VPS13C: variants seen among roughly 807,000 people sequenced by gnomAD.
The protein encoded by VPS13C is vacuolar protein sorting 13 homolog C.
Under a neutral mutation model 456.8 loss-of-function variants are expected in VPS13C, and 358 were observed. That is an observed-to-expected ratio of 0.78 (90% confidence interval 0.72 to 0.86). The LOEUF is 0.86. Among genes scored for constraint, VPS13C ranks in the 40% least tolerant of loss-of-function variants. The pLI, the probability that VPS13C is intolerant of heterozygous loss-of-function variation, is 0.00. For synonymous variants in VPS13C, 1,578 were observed against 1,486.7 expected, an observed-to-expected ratio of 1.06 and a Z score of -1.41; for missense variants, 4,818 against 4,385.4, an observed-to-expected ratio of 1.10 and a Z score of -2.79.
At chr15:61,942,345 CATG>C (rs1241130172) in intron 45 of VPS13C, among the ~76,000 whole-genome samples, 2 of 151,314 alleles carry the variant, frequency 1.3e-5, no homozygotes, top group Non-Finnish European at 2.9e-5. Flanking sequence ...ATTTTATTCT[CATG>C]ATAAATTTTT....
chr15:62,000,091 G>A (rs2046553473), intron 16 of VPS13C, among the ~76,000 whole-genome samples: 1 of 152,178 alleles, frequency 6.6e-6, no homozygotes, highest in Admixed American at 6.5e-5. Context: ...GCCAGGCGCA[G>A]TGGCTCACGC....
intron 12 of VPS13C, among the ~76,000 whole-genome samples, chr15:62,011,491 G>A (rs2047035036): frequency 6.6e-6 from 1 of 151,878 alleles, no homozygotes; most frequent in Admixed American, 6.6e-5. Context: ...AAACAACAGT[G>A]AACCAGAGTA....
At chr15:62,040,777 T>G (rs1207627697) in intron 3 of VPS13C, among the ~76,000 whole-genome samples, 4 of 152,140 alleles carry the variant, frequency 2.6e-5, no homozygotes, top group Non-Finnish European at 5.9e-5. Flanking sequence ...TGGGAAGACT[T>G]TGTAGATTAA....
At chr15:61,951,248 T>G (rs553591096) in intron 39 of VPS13C, among the ~76,000 whole-genome samples, 1 of 152,176 alleles carries the variant, frequency 6.6e-6, no homozygotes, top group Non-Finnish European at 1.5e-5. Flanking sequence ...CAATTACAAC[T>G]GGTATAACCT....
In VPS13C at chr15:61,961,814, C is replaced by T. The variant is rs369707037; in HGVS notation, c.3683G>A (p.Ser1228Asn). The T allele has an allele frequency of 1.9e-6, 3 of 1,614,044 alleles. No individual in the cohort carries two copies. The highest frequency in any genetic ancestry group is 2.5e-6 in the Non-Finnish European group (3 of 1,179,956). Residue 1228 changes from serine (S) to asparagine (N), a missense_variant, in exon 35 of 85, where the codon AGT (serine) becomes AAT (asparagine). Physicochemically the swap from Ser to Asn is conservative, Grantham distance 46. This residue lies in a region of VPS13C where 4,552 missense variants were observed against 4,130.6 expected (regional missense o/e 1.10). Coordinates refer to ENST00000644861, the MANE Select transcript of VPS13C (RefSeq NM_020821.3). ...TAQAAERAATSVKDLAQRSFR... is the reference protein window; with the variant it reads ...TAQAAERAATNVKDLAQRSFR... ...ACTCCTCTGGGCAAGATCTTTCACACTTGTGGCAGCCCTTTCTGCAGCCTG... is the reference window on the plus strand; with the variant it reads ...ACTCCTCTGGGCAAGATCTTTCACATTTGTGGCAGCCCTTTCTGCAGCCTG...
chr15:61,889,684 T>C (rs1370738361), intron 67 of VPS13C, among the ~76,000 whole-genome samples: 2 of 152,202 alleles, frequency 1.3e-5, no homozygotes, highest in Non-Finnish European at 2.9e-5. Context: ...TATGTACTCA[T>C]ATCAAATACA....
At chr15:62,027,137 G>C (rs1264199980) in intron 6 of VPS13C, among the ~76,000 whole-genome samples, 1 of 151,998 alleles carries the variant, frequency 6.6e-6, no homozygotes, top group Non-Finnish European at 1.5e-5. Context: ...TGAAACACAC[G>C]TTAAGTCCTA....
At position 61,854,843 on chromosome 15, in the gene VPS13C, A is replaced by T. The variant is rs761751418; in HGVS notation, c.11160+28T>A. ...TAAAAAAGTATTTCAGCTAAAAAAA[A>T]TTGAGGCATGCTCTTTAAATTGTTT... On this transcript the variant is annotated intron_variant, in intron 84 of 84. Transcript: ENST00000644861. 246 of 1,576,670 alleles carry T rather than the reference A, an allele frequency of 1.6e-4. 1 individual carries two copies. Among genetic ancestry groups the T allele is most frequent in the Non-Finnish European group, 6.9e-5 (80 of 1,166,762 alleles).
In VPS13C at chr15:61,869,508, G is replaced by A; in HGVS notation, c.10740C>T (p.Gly3580=). ...AGTATGTACTCAATTACCTCTGAATGCCTTGGAAGGTACTACTGGCCATAT... is the reference window on the plus strand; with the variant it reads ...AGTATGTACTCAATTACCTCTGAATACCTTGGAAGGTACTACTGGCCATAT... ...IVDMASSTFQ[G]IQRAAESTEE... The change falls in exon 80 of 85, where the codon GGC becomes GGT. Residue 3580 remains glycine, a synonymous_variant. Transcript: ENST00000644861. 1 of 1,614,052 alleles carries A rather than the reference G, an allele frequency of 6.2e-7. No individual in the cohort carries two copies. The highest frequency in any genetic ancestry group is 1.1e-5 in the South Asian group (1 of 91,082).
Position 61,922,482 on chromosome 15 carries a change from G to C in VPS13C, c.6890C>G (p.Pro2297Arg). 6.2e-7 allele frequency: 1 copy of C among 1,613,954 alleles called. No individual in the cohort carries two copies. The highest frequency in any genetic ancestry group is 8.5e-7 in the Non-Finnish European group (1 of 1,179,936). ...AAACTTAGACTCTGCCAATAATAAA[G>C]GTACAGTTCGATGTCCAAGGCCACA... ...LECGLGHRTV[P>R]LLLAESKFSG... The change falls in exon 54 of 85, where the codon CCT becomes CGT. Residue 2297 changes from proline to arginine, a missense_variant. Pro to Arg is a moderately radical substitution (Grantham distance 103). Coordinates refer to ENST00000644861, the MANE Select transcript of VPS13C (RefSeq NM_020821.3).
At chr15:61,927,396 G>T in intron 51 of VPS13C, 76 bp from the exon 52 acceptor site, 1 of 1,156,896 alleles carries the variant, frequency 8.6e-7, no homozygotes, top group Non-Finnish European at 1.3e-6. Flanking sequence ...TCTACAAGTT[G>T]TTAAGTTGTT....
At position 61,869,628 on chromosome 15, in the gene VPS13C, A is replaced by G; in HGVS notation, c.10625-5T>C. On this transcript the variant is annotated splice_region_variant and splice_polypyrimidine_tract_variant and intron_variant, in intron 79 of 84. Transcript: ENST00000644861. ...CAGCTCCTTCCTTTTTGGCACCTTCAGAAAACCAATGACCATGAATGGATA... is the reference window on the plus strand; with the variant it reads ...CAGCTCCTTCCTTTTTGGCACCTTCGGAAAACCAATGACCATGAATGGATA... 1 of 1,614,100 alleles carries G rather than the reference A, an allele frequency of 6.2e-7. No homozygotes were observed. The highest frequency in any genetic ancestry group is 8.5e-7 in the Non-Finnish European group (1 of 1,179,986).
intron 66 of VPS13C, among the ~76,000 whole-genome samples, chr15:61,894,573 G>C (rs929591617): frequency 2.6e-5 from 4 of 151,700 alleles, no homozygotes; most frequent in Non-Finnish European, 5.9e-5. Context: ...AAAAAAAAAA[G>C]AGTAGGAGTA....
intron 61 of VPS13C, 109 bp from the exon 62 acceptor site, chr15:61,913,524 C>T (rs1033775294): frequency 9.3e-6 from 8 of 859,316 alleles, no homozygotes; most frequent in Non-Finnish European, 1.4e-5. Context: ...CCGTGGGACA[C>T]AGAAATATAT....
At chr15:61,876,704 A>C (rs1213975058) in intron 75 of VPS13C, among the ~76,000 whole-genome samples, 1 of 152,018 alleles carries the variant, frequency 6.6e-6, no homozygotes, top group Non-Finnish European at 1.5e-5. Context: ...GAAATCAAGT[A>C]TAATGACTAT....
chr15:61,968,413 G>A (rs187030223), intron 28 of VPS13C, among the ~76,000 whole-genome samples: 182 of 152,128 alleles, frequency 1.2e-3, no homozygotes, highest in Middle Eastern at 6.8e-3. Flanking sequence ...GCTATGCATA[G>A]GTTATATGAA....
rs565796065 is a variant in VPS13C, at chr15:61,958,653, C to T, written c.4120G>A (p.Gly1374Ser). The change falls in exon 37 of 85, where the codon GGT becomes AGT. Residue 1374 changes from glycine (G) to serine (S), a missense_variant. Gly to Ser is a moderately conservative substitution (Grantham distance 56). Around this residue, in one of 3 missense-constraint regions of VPS13C, gnomAD observed 4,552 missense variants for 4,130.6 expected, o/e 1.10. Coordinates refer to ENST00000644861, the MANE Select transcript of VPS13C (RefSeq NM_020821.3). ...TTCACTTTATCCAAGTCTTCAGTAC[C>T]CTCACAGAGATTTTCTGTTAGTATC... The part of the protein sequence containing the change: ...FRILTENLCE[G>S]TEDLDKVKPR... The T allele has an allele frequency of 6.4e-7, 1 of 1,574,084 alleles. No individual in the cohort carries two copies. Among genetic ancestry groups the T allele is most frequent in the Non-Finnish European group, 8.6e-7 (1 of 1,165,278 alleles).
intron 66 of VPS13C, among the ~76,000 whole-genome samples, chr15:61,894,430 G>A (rs887498300): frequency 6.6e-6 from 1 of 151,820 alleles, no homozygotes; most frequent in African/African-American, 2.4e-5. Flanking sequence ...TAATAGAAAT[G>A]GAGTGGCTGG....
chr15:62,012,647 T>G (rs921896156), intron 11 of VPS13C, among the ~76,000 whole-genome samples: 1 of 151,908 alleles, frequency 6.6e-6, no homozygotes, highest in South Asian at 2.1e-4. Flanking sequence ...CAGAAAATCA[T>G]CACAAATGTC....
Sources: gnomAD v4.1 joint callset for allele counts (sites outside exome capture counted in the v4.1 genomes callset) on GRCh38, gnomAD v4.1.1 for gene constraint, gnomAD v4.1.1 regional missense constraint, MANE v1.5 for transcripts, NCBI Gene and HGNC (gene_info 2026-07-23, HGNC 2026-07-21) for gene names.